SEMA3D: variants seen among roughly 807,000 people sequenced by gnomAD.
SEMA3D encodes semaphorin-3D.
In SEMA3D, 84 loss-of-function variants were observed where a neutral mutation model predicts 100.1. The ratio of observed to expected loss-of-function variants is 0.84; its 90% CI spans 0.70 to 1.01. The LOEUF (loss-of-function observed/expected upper bound fraction) is 1.01. Among genes scored for constraint, SEMA3D ranks in the 50% least tolerant of loss-of-function variants. The pLI is 0.00. For synonymous variants in SEMA3D, 312 were observed against 320.7 expected, an observed-to-expected ratio of 0.97 and a Z score of 0.29; for missense variants, 875 against 934.1, an observed-to-expected ratio of 0.94 and a Z score of 0.82.
chr7:85,075,692 A>G (rs1791902974), intron 5 of SEMA3D, among the ~76,000 whole-genome samples: 1 of 152,196 alleles, frequency 6.6e-6, no homozygotes, highest in African/African-American at 2.4e-5. Context: ...TTCTGTAGGG[A>G]ATTTGAGAGA....
At chr7:85,066,276 A>G (rs1791617277) in intron 7 of SEMA3D, among the ~76,000 whole-genome samples, 1 of 152,038 alleles carries the variant, frequency 6.6e-6, no homozygotes, top group South Asian at 2.1e-4. Flanking sequence ...AAGAACAAAG[A>G]AGACAGGAGA....
At chr7:85,205,134 T>G in the SEMA3D span, among the ~76,000 whole-genome samples, 3 of 152,144 alleles carry the variant, frequency 2.0e-5, no homozygotes, top group Non-Finnish European at 4.4e-5. Context: ...TTACTTGAAC[T>G]ATTTGCTTTC....
chr7:85,209,249 T>C, the SEMA3D span, among the ~76,000 whole-genome samples: 2 of 151,978 alleles, frequency 1.3e-5, no homozygotes, highest in African/African-American at 2.4e-5. Flanking sequence ...CAAATATATA[T>C]ACATATGTAT....
At chr7:85,074,850 C>T (rs1387815603) in intron 5 of SEMA3D, among the ~76,000 whole-genome samples, 4 of 151,992 alleles carry the variant, frequency 2.6e-5, no homozygotes, top group Non-Finnish European at 5.9e-5. Flanking sequence ...GAACTCCTGG[C>T]CTCAAGCAAT....
chr7:85,061,152 T>C (rs1173324323), intron 8 of SEMA3D, among the ~76,000 whole-genome samples: 2 of 152,124 alleles, frequency 1.3e-5, no homozygotes, highest in African/African-American at 4.8e-5. Flanking sequence ...AAAAAAACAC[T>C]TTTTACAACT....
chr7:85,162,949 C>T (rs143667737), intron 1 of SEMA3D: 31 of 395,040 alleles, frequency 7.8e-5, no homozygotes, highest in African/African-American at 5.2e-4. Context: ...ACTGAGTCAG[C>T]GACTGAATGT....
At chr7:85,092,779 A>G (rs907001806) in intron 4 of SEMA3D, among the ~76,000 whole-genome samples, 1 of 152,082 alleles carries the variant, frequency 6.6e-6, no homozygotes, top group Non-Finnish European at 1.5e-5. Flanking sequence ...GAGAAAACTT[A>G]TATGTTTTCA....
In SEMA3D at chr7:85,003,223, TGACA is replaced by T. The variant is rs544661322; in HGVS notation, c.1909-3362_1909-3359del. On this transcript the variant is annotated intron_variant, in intron 18 of 18. Transcript: ENST00000284136. ...TTAAATTTATCAGAGTTTACTTACA[TGACA>T]CTGTATATCATCCATCTATTATACC... 6.6e-3 allele frequency among the ~76,000 whole-genome samples: 1,002 copies of T among 152,196 alleles called. 12 individuals carry two copies. The highest frequency in any genetic ancestry group is 0.023 in the African/African-American group (951 of 41,558).
Position 84,999,198 on chromosome 7 carries a change from A to T in SEMA3D, c.*242T>A. On this transcript the variant is annotated 3_prime_UTR_variant, in exon 19 of 19. Coordinates refer to ENST00000284136, the MANE Select transcript of SEMA3D (RefSeq NM_001384900.1). ...CAAAACATAAAACATTTACAACTGT[A>T]AACCCCCTATTTTTAGGATAATTCT... 2.0e-6 allele frequency: 1 copy of T among 504,612 alleles called. No individual in the cohort carries two copies. Among genetic ancestry groups the T allele is most frequent in the Non-Finnish European group, 3.5e-6 (1 of 285,546 alleles). The allele number at this position is 504,612 out of a possible 1,614,324, so 31.3% of individuals were successfully genotyped here.
chr7:85,131,926 T>C (rs927648164), intron 2 of SEMA3D, among the ~76,000 whole-genome samples: 4 of 151,914 alleles, frequency 2.6e-5, no homozygotes, highest in African/African-American at 9.7e-5. Flanking sequence ...TTCTTTAAAA[T>C]TTATTCTTCC....
chr7:85,125,026 C>T (rs1392462287), intron 2 of SEMA3D, among the ~76,000 whole-genome samples: 1 of 152,056 alleles, frequency 6.6e-6, no homozygotes, highest in African/African-American at 2.4e-5. Flanking sequence ...GCAGCAGACT[C>T]ACAGCTGTGG....
intron 3 of SEMA3D, among the ~76,000 whole-genome samples, chr7:85,110,410 T>G (rs902191863): frequency 1.3e-5 from 2 of 151,966 alleles, no homozygotes; most frequent in African/African-American, 4.8e-5. Flanking sequence ...GCATTATTAT[T>G]TAATCTTTCT....
chr7:85,192,495 AATTTAGCAAGTTACTACCGAACTAG>A, the SEMA3D span, among the ~76,000 whole-genome samples: 1 of 152,062 alleles, frequency 6.6e-6, no homozygotes, highest in Admixed American at 6.6e-5. Context: ...CTTCACCCTT[AATTTAGCAAGTTACTACCGAACTAG>A]ACCAAATTCT....
intron 1 of SEMA3D, among the ~76,000 whole-genome samples, chr7:85,154,469 G>T (rs913566292): frequency 2.6e-5 from 4 of 152,072 alleles, no homozygotes; most frequent in Non-Finnish European, 5.9e-5. Flanking sequence ...CTACCATGTT[G>T]TGGGGCGGGG....
In SEMA3D at chr7:85,030,095, G is replaced by A. The variant is rs76627248; in HGVS notation, c.1191+6794C>T. Among the ~76,000 whole-genome samples the A allele has an allele frequency of 5.3e-3, 803 of 151,914 alleles. 42 individuals are homozygous for A. In the East Asian group the frequency reaches 0.11, roughly 20 times the overall value. ...TCCAGTCTCTAGGTACTCTACCCAG[G>A]ATGCTTCTTACCATGTTATGATGTT... is the stretch of plus-strand genomic sequence containing the variant. On this transcript the variant is annotated intron_variant, in intron 12 of 18. Coordinates refer to ENST00000284136, the MANE Select transcript of SEMA3D (RefSeq NM_001384900.1).
chr7:85,100,368 T>G (rs1788709643), intron 3 of SEMA3D, among the ~76,000 whole-genome samples: 5 of 151,316 alleles, frequency 3.3e-5, no homozygotes, highest in Non-Finnish European at 7.4e-5. Flanking sequence ...TATTTATAAT[T>G]GTGATATGCA....
rs1562776984 is a variant in SEMA3D at position 84,999,490 on chromosome 7, G to A, written c.2284C>T (p.Arg762Ter). The change falls in exon 19 of 19, where the codon CGA (arginine) becomes TGA (stop). Residue 762 changes from arginine to a stop codon, truncating the protein, a stop_gained. Coordinates refer to ENST00000284136, the MANE Select transcript of SEMA3D (RefSeq NM_001384900.1). LOFTEE classifies it high-confidence loss of function. ...HMQEMKKKRN[R>*]RHHRDLDELP... is the part of the protein sequence containing the mutation. ...TCATCCAGGTCTCTGTGATGTCTTCGATTTCGTTTCTTCTTCATTTCCTGC... is the reference window on the plus strand; with the variant it reads ...TCATCCAGGTCTCTGTGATGTCTTCAATTTCGTTTCTTCTTCATTTCCTGC... The A allele has an allele frequency of 4.3e-6, 7 of 1,613,908 alleles. No homozygotes were observed. The highest frequency in any genetic ancestry group is 3.3e-5 in the Admixed American group (2 of 59,966).
intron 2 of SEMA3D, among the ~76,000 whole-genome samples, chr7:85,152,013 A>C (rs1020312918): frequency 6.6e-5 from 10 of 152,024 alleles, no homozygotes; most frequent in Non-Finnish European, 8.8e-5. Context: ...AAATTGTTTA[A>C]ATTTCATAAT....
chr7:85,234,178 G>C, the SEMA3D span, among the ~76,000 whole-genome samples: 2 of 152,174 alleles, frequency 1.3e-5, no homozygotes, highest in Admixed American at 1.3e-4. Flanking sequence ...TGGAAGCAGA[G>C]TGGGTGTGCT....
Sources: gnomAD v4.1 joint callset for allele counts (sites outside exome capture counted in the v4.1 genomes callset) on GRCh38, gnomAD v4.1.1 for gene constraint, MANE v1.5 for transcripts, NCBI Gene and HGNC (gene_info 2026-07-23, HGNC 2026-07-21) for gene names.